Variants in MAD1L1 observed in about 807,000 individuals in gnomAD.
The protein encoded by MAD1L1 is mitotic spindle assembly checkpoint protein MAD1.
Under a neutral mutation model 96.9 loss-of-function variants are expected in MAD1L1, and 95 were observed. The ratio of observed to expected loss-of-function variants is 0.98; its 90% CI spans 0.83 to 1.16. The LOEUF (loss-of-function observed/expected upper bound fraction) is 1.16. Ranked by LOEUF, MAD1L1 falls within the 50% of genes most tolerant of loss-of-function variation. The pLI, the probability that MAD1L1 is intolerant of heterozygous loss-of-function variation, is 0.00. For missense variants in MAD1L1, 1,007 were observed against 954.4 expected (o/e 1.06, Z -0.73); for synonymous variants, 473 against 396.6 (o/e 1.19, Z -2.29).
At chr7:2,124,856 C>T (rs144631651) in intron 11 of MAD1L1, among the ~76,000 whole-genome samples, 90 of 152,314 alleles carry the variant, frequency 5.9e-4, no homozygotes, top group African/African-American at 2.0e-3. Context: ...TGAAGGAGGA[C>T]GCAGGGGCTC....
At chr7:2,175,721 G>A (rs182888976) in intron 10 of MAD1L1, among the ~76,000 whole-genome samples, 158 of 152,248 alleles carry the variant, frequency 1.0e-3, no homozygotes, top group Admixed American at 3.7e-3. Context: ...CAGAGCTCAG[G>A]CATTCCCACC....
Position 1,898,392 on chromosome 7 carries a change from T to C in MAD1L1, c.1808-2A>G, listed in dbSNP as rs1319568496. 1 of 1,613,376 alleles carries C rather than the reference T, an allele frequency of 6.2e-7. No individual in the cohort carries two copies. The highest frequency in any genetic ancestry group is 2.2e-5 in the East Asian group (1 of 44,858). On this transcript the variant is annotated splice_acceptor_variant, in intron 17 of 18. Coordinates refer to ENST00000265854, the MANE Select transcript of MAD1L1 (RefSeq NM_001013836.2). LOFTEE classifies it high-confidence loss of function. Reference sequence around the variant, plus strand: ...CACTCTCCACCTGCTTCTTCAGCTCTGCGGGAGGGACGGAAGGAGACAGTG... The same window carrying C: ...CACTCTCCACCTGCTTCTTCAGCTCCGCGGGAGGGACGGAAGGAGACAGTG...
chr7:1,887,861 A>ACGTGTGTGTGGCTGCCTGGG (rs138793674), intron 18 of MAD1L1, among the ~76,000 whole-genome samples: 9 of 132,146 alleles, frequency 6.8e-5, no homozygotes, highest in African/African-American at 2.0e-4. Context: ...GTGTGTGTGC[A>ACGTGTGTGTGGCTGCCTGGG]CGTGTGTGTG....
chr7:1,914,718 AT>A (rs1788261756), intron 17 of MAD1L1, among the ~76,000 whole-genome samples: 1 of 152,186 alleles, frequency 6.6e-6, no homozygotes, highest in African/African-American at 2.4e-5. Context: ...GGCCCAAGCC[AT>A]TGTCCTGCCT....
chr7:2,210,450 T>TGCGGCATGAGCACCACCCCACTGA (rs1562375185), intron 10 of MAD1L1, among the ~76,000 whole-genome samples: 2 of 134,838 alleles, frequency 1.5e-5, no homozygotes, highest in Non-Finnish European at 3.3e-5. Flanking sequence ...TCCCGTGGAC[T>TGCGGCATGAGCACCACCCCACTGA]CTCTAGGAGC....
chr7:2,170,046 C>G (rs1456907704), intron 10 of MAD1L1, among the ~76,000 whole-genome samples: 1 of 152,236 alleles, frequency 6.6e-6, no homozygotes, highest in Admixed American at 6.5e-5. Flanking sequence ...GCCTCCCGGA[C>G]TCGTGCCCTC....
intron 18 of MAD1L1, among the ~76,000 whole-genome samples, chr7:1,862,015 A>C (rs540127385): frequency 1.3e-5 from 2 of 152,268 alleles, no homozygotes; most frequent in African/African-American, 4.8e-5. Flanking sequence ...GGGGACGCAG[A>C]GTGACTAGAG....
chr7:2,152,980 C>G (rs562039020), intron 10 of MAD1L1, among the ~76,000 whole-genome samples: 2 of 152,074 alleles, frequency 1.3e-5, no homozygotes, highest in African/African-American at 2.4e-5. Context: ...TTTTGTATAC[C>G]CTTTGTTCGG....
At position 1,867,951 on chromosome 7, in the gene MAD1L1, C is replaced by T. The variant is rs143679214; in HGVS notation, c.1998+30249G>A. Among the ~76,000 whole-genome samples the T allele has an allele frequency of 2.8e-3, 424 of 152,334 alleles. 1 individual carries two copies. The highest frequency in any genetic ancestry group is 9.4e-3 in the African/African-American group (392 of 41,576). On this transcript the variant is annotated intron_variant, in intron 18 of 18. Coordinates refer to ENST00000265854, the MANE Select transcript of MAD1L1 (RefSeq NM_001013836.2). The stretch of plus-strand genomic sequence containing the variant: ...CTCGCTTCTCCCGTCTTCCCTAATA[C>T]GGGGCGACAACCGTCTCTGAGGGGC...
chr7:2,109,020 C>T (rs1278991981), intron 11 of MAD1L1, among the ~76,000 whole-genome samples: 1 of 152,252 alleles, frequency 6.6e-6, no homozygotes, highest in African/African-American at 2.4e-5. Context: ...CCATTCCAGA[C>T]GCCTCCCTGT....
chr7:2,226,706 T>G (rs146097387), intron 3 of MAD1L1, among the ~76,000 whole-genome samples: 1 of 152,270 alleles, frequency 6.6e-6, no homozygotes, highest in East Asian at 1.9e-4. Flanking sequence ...ATCTTCTCTT[T>G]AGGTTGGGTG....
At chr7:1,907,880 C>G (rs184989454) in intron 17 of MAD1L1, among the ~76,000 whole-genome samples, 1 of 152,304 alleles carries the variant, frequency 6.6e-6, no homozygotes, top group Non-Finnish European at 1.5e-5. Context: ...GTCTGGGCCG[C>G]AAGGACACCC....
intron 17 of MAD1L1, among the ~76,000 whole-genome samples, chr7:1,931,815 C>T (rs918949423): frequency 2.0e-5 from 3 of 152,246 alleles, no homozygotes; most frequent in Non-Finnish European, 4.4e-5. Flanking sequence ...ACTCTGCTGT[C>T]CCCAGAGCCA....
At chr7:1,954,887 C>T (rs1562558959) in intron 16 of MAD1L1, among the ~76,000 whole-genome samples, 1 of 152,166 alleles carries the variant, frequency 6.6e-6, no homozygotes, top group Non-Finnish European at 1.5e-5. Flanking sequence ...ACTTCCAGCC[C>T]CTTCAGCGAC....
intron 18 of MAD1L1, among the ~76,000 whole-genome samples, chr7:1,822,793 C>CA (rs1554263820): frequency 6.7e-6 from 1 of 149,884 alleles, no homozygotes. Flanking sequence ...AAAGCAATTC[C>CA]AAAAAAGAAG....
intron 10 of MAD1L1, among the ~76,000 whole-genome samples, chr7:2,151,809 G>A (rs1444761929): frequency 6.6e-6 from 1 of 152,202 alleles, no homozygotes; most frequent in Non-Finnish European, 1.5e-5. Context: ...CTTCTGAAGT[G>A]CTGGGCGCCC....
chr7:2,216,361 G>T (rs1584573187), intron 7 of MAD1L1, 74 bp from the exon 8 acceptor site: 1 of 1,485,200 alleles, frequency 6.7e-7, no homozygotes, highest in Admixed American at 2.1e-5. Context: ...ACACGCACAC[G>T]GCTAAGAGAA....
intron 10 of MAD1L1, among the ~76,000 whole-genome samples, chr7:2,193,753 C>T (rs1370953768): frequency 3.9e-5 from 6 of 152,312 alleles, no homozygotes; most frequent in East Asian, 3.9e-4. Flanking sequence ...TGCTGAGCCG[C>T]GATCCGGGAG....
intron 10 of MAD1L1, among the ~76,000 whole-genome samples, chr7:2,186,521 G>C (rs937370932): frequency 3.9e-5 from 6 of 152,170 alleles, no homozygotes; most frequent in Admixed American, 1.3e-4. Context: ...TGTTAACCTG[G>C]GATACAGCAG....
Sources: allele counts gnomAD v4.1 joint callset (sites outside exome capture counted in the v4.1 genomes callset), GRCh38; gene constraint gnomAD v4.1.1; transcripts MANE v1.5; gene names NCBI Gene and HGNC (gene_info 2026-07-23, HGNC 2026-07-21).